Variants in GPC5 observed in about 807,000 individuals in gnomAD.
GPC5 encodes glypican-5.
GPC5 carries 47 observed loss-of-function variants against 53.9 expected under a neutral mutation model. That is an observed-to-expected ratio of 0.87 (90% confidence interval 0.69 to 1.11). GPC5 has a LOEUF of 1.11. Among genes scored for constraint, GPC5 ranks in the 50% most tolerant of loss-of-function variants. The pLI, the probability that GPC5 is intolerant of heterozygous loss-of-function variation, is 0.00. For missense variants in GPC5, 748 were observed against 713.1 expected (o/e 1.05, Z -0.56); for synonymous variants, 286 against 263.3 (o/e 1.09, Z -0.84).
intron 7 of GPC5, among the ~76,000 whole-genome samples, chr13:92,516,520 A>G (rs1333219116): frequency 6.6e-6 from 1 of 152,176 alleles, no homozygotes; most frequent in African/African-American, 2.4e-5. Flanking sequence ...TTCTTTGAAA[A>G]TTTGAAGAAA....
At chr13:92,314,961 C>T (rs2043168708) in intron 7 of GPC5, among the ~76,000 whole-genome samples, 1 of 151,944 alleles carries the variant, frequency 6.6e-6, no homozygotes, top group Non-Finnish European at 1.5e-5. Context: ...CTTTTTGGTA[C>T]AGACGGGGTG....
chr13:91,399,097 C>A lies in GPC5; in HGVS notation c.51C>A (p.Ala17=). The A allele has an allele frequency of 6.3e-7, 1 of 1,599,158 alleles. No homozygotes were observed. The highest frequency in any genetic ancestry group is 8.5e-7 in the Non-Finnish European group (1 of 1,173,202). Residue 17 remains alanine, a synonymous_variant, in exon 1 of 8, where the codon GCC becomes GCA. Coordinates refer to ENST00000377067, the MANE Select transcript of GPC5 (RefSeq NM_004466.6). ...PVGFRCLLLL[A]LVGSARSEGV... is the part of the protein sequence containing the mutation. ...GCTTTCGCTGCCTCCTCCTTCTGGC[C>A]CTGGTTGGGTCCGCCCGCAGCGAGG...
intron 5 of GPC5, among the ~76,000 whole-genome samples, chr13:91,779,711 A>G (rs1262400858): frequency 6.6e-6 from 1 of 152,110 alleles, no homozygotes; most frequent in Non-Finnish European, 1.5e-5. Flanking sequence ...AAACATACAT[A>G]TTATCCTAGG....
intron 2 of GPC5, among the ~76,000 whole-genome samples, chr13:91,663,947 G>A (rs2035045106): frequency 6.6e-6 from 1 of 152,144 alleles, no homozygotes; most frequent in Admixed American, 6.5e-5. Flanking sequence ...GAGTATCTGG[G>A]TCCACAGGTG....
intron 2 of GPC5, among the ~76,000 whole-genome samples, chr13:91,548,199 T>C (rs958751061): frequency 5.3e-5 from 8 of 152,182 alleles, no homozygotes; most frequent in Admixed American, 5.2e-4. Context: ...GATATGATCA[T>C]CTATGTAGGA....
At chr13:91,669,656 G>A (rs904619541) in intron 2 of GPC5, among the ~76,000 whole-genome samples, 2 of 152,086 alleles carry the variant, frequency 1.3e-5, no homozygotes, top group African/African-American at 4.8e-5. Flanking sequence ...AAAGAAAGGT[G>A]ATTTTTTATA....
intron 7 of GPC5, among the ~76,000 whole-genome samples, chr13:92,219,460 T>C (rs1435491628): frequency 6.6e-6 from 1 of 152,120 alleles, no homozygotes; most frequent in Non-Finnish European, 1.5e-5. Flanking sequence ...TAAGGCCGAT[T>C]CGCACTGGCT....
chr13:91,407,375 C>T (rs1301178565), intron 1 of GPC5, among the ~76,000 whole-genome samples: 5 of 152,170 alleles, frequency 3.3e-5, no homozygotes, highest in Non-Finnish European at 7.4e-5. Flanking sequence ...GGAGTATTCT[C>T]AGATGTCCTG....
intron 2 of GPC5, among the ~76,000 whole-genome samples, chr13:91,509,578 T>C (rs1885129039): frequency 6.6e-6 from 1 of 151,764 alleles, no homozygotes; most frequent in Non-Finnish European, 1.5e-5. Flanking sequence ...TTTGAGACCT[T>C]GTTTTTCATG....
At chr13:92,681,697 A>AT (rs1267396160) in intron 7 of GPC5, among the ~76,000 whole-genome samples, 8 of 152,030 alleles carry the variant, frequency 5.3e-5, no homozygotes, top group African/African-American at 1.9e-4. Context: ...TCTCTACCAA[A>AT]TACTCCACCC....
chr13:92,738,152 C>A (rs1260254630), intron 7 of GPC5, among the ~76,000 whole-genome samples: 1 of 151,986 alleles, frequency 6.6e-6, no homozygotes, highest in Non-Finnish European at 1.5e-5. Context: ...ATAAGATTCA[C>A]TACAACCATA....
chr13:92,450,260 C>T (rs1240275657), intron 7 of GPC5, among the ~76,000 whole-genome samples: 1 of 152,106 alleles, frequency 6.6e-6, no homozygotes, highest in Admixed American at 6.5e-5. Flanking sequence ...GTAAGAAAAG[C>T]TTGAGAACAG....
intron 7 of GPC5, among the ~76,000 whole-genome samples, chr13:92,617,766 AC>A (rs1221299955): frequency 1.3e-5 from 2 of 152,226 alleles, no homozygotes; most frequent in Admixed American, 6.5e-5. Context: ...TAATTACTAC[AC>A]TTTTCAAGAG....
intron 7 of GPC5, among the ~76,000 whole-genome samples, chr13:92,595,767 CAAAAAAAAA>C (rs35255458): frequency 1.1e-5 from 1 of 93,440 alleles, no homozygotes; most frequent in African/African-American, 4.3e-5. Context: ...GACTCTGTCT[CAAAAAAAAA>C]AAAAAAAAAA....
intron 2 of GPC5, among the ~76,000 whole-genome samples, chr13:91,635,452 GT>G (rs2034263078): frequency 6.6e-6 from 1 of 151,900 alleles, no homozygotes; most frequent in Non-Finnish European, 1.5e-5. Context: ...GAATGTGCTG[GT>G]TCATTTTATA....
intron 7 of GPC5, among the ~76,000 whole-genome samples, chr13:92,779,721 G>A (rs570029677): frequency 6.6e-6 from 1 of 152,044 alleles, no homozygotes; most frequent in East Asian, 1.9e-4. Context: ...AATCACTGTA[G>A]GTCTAAGACC....
At chr13:91,931,716 G>A (rs2039823436) in intron 6 of GPC5, among the ~76,000 whole-genome samples, 1 of 151,934 alleles carries the variant, frequency 6.6e-6, no homozygotes, top group African/African-American at 2.4e-5. Context: ...TACTGGAAGC[G>A]GAAAAAGGGA....
intron 4 of GPC5, among the ~76,000 whole-genome samples, chr13:91,732,054 T>A (rs1295895796): frequency 6.6e-6 from 1 of 152,206 alleles, no homozygotes; most frequent in East Asian, 1.9e-4. Flanking sequence ...TACCCAGTAG[T>A]GGGATTGTTG....
chr13:92,859,350 G>A (rs1263944765), intron 7 of GPC5, among the ~76,000 whole-genome samples: 4 of 151,980 alleles, frequency 2.6e-5, no homozygotes, highest in African/African-American at 9.7e-5. Context: ...TCTGTTAACA[G>A]CCACCTTTTT....
Sources: allele counts gnomAD v4.1 joint callset (sites outside exome capture counted in the v4.1 genomes callset), GRCh38; gene constraint gnomAD v4.1.1; transcripts MANE v1.5; gene names NCBI Gene and HGNC (gene_info 2026-07-23, HGNC 2026-07-21).